PCSK5: variants seen among roughly 807,000 people sequenced by gnomAD.
PCSK5 encodes the protein proprotein convertase subtilisin/kexin type 5.
In PCSK5, 129 loss-of-function variants were observed where a neutral mutation model predicts 233.2. That is an observed-to-expected ratio of 0.55 (90% CI 0.48 to 0.64). The LOEUF (loss-of-function observed/expected upper bound fraction) is 0.64, where lower values mean the gene tolerates loss of function less well. Ranked by LOEUF, PCSK5 falls within the 30% of genes least tolerant of loss-of-function variation. The probability of loss-of-function intolerance (pLI) is 0.00; values close to 1 mark genes in which losing one functional copy is unlikely to be tolerated. For missense variants in PCSK5, 2,076 were observed against 2,430.1 expected, an observed-to-expected ratio of 0.85 and a Z score of 3.06; for synonymous variants, 825 against 879.2, an observed-to-expected ratio of 0.94 and a Z score of 1.09.
In PCSK5 at chr9:76,122,032, C is replaced by T. The variant is rs1247897072; in HGVS notation, c.1209-12077C>T. ...TAGAGACGGGGTTTCACCGTTTTAG[C>T]CGGGATGGTCTCGATCTCCTGACCT... On this transcript the variant is annotated intron_variant, in intron 9 of 37. Transcript: ENST00000674117. 1.5e-4 allele frequency among the ~76,000 whole-genome samples: 7 copies of T among 48,040 alleles called. 1 individual carries two copies. Among genetic ancestry groups the T allele is most frequent in the Non-Finnish European group, 3.8e-4 (7 of 18,422 alleles). 31.5% of individuals were successfully genotyped at this position (48,040 alleles called of 152,430 possible). A position where few individuals can be genotyped will look rare whatever the true frequency, so the allele number is the denominator to read the frequency against.
intron 20 of PCSK5, among the ~76,000 whole-genome samples, chr9:76,219,703 C>T (rs1235113716): frequency 6.6e-6 from 1 of 152,160 alleles, no homozygotes; most frequent in African/African-American, 2.4e-5. Flanking sequence ...AGCGGCTTCC[C>T]CTCTCCTGCT....
chr9:76,340,549 G>T (rs966288550), intron 35 of PCSK5, among the ~76,000 whole-genome samples: 1 of 151,082 alleles, frequency 6.6e-6, no homozygotes, highest in African/African-American at 2.4e-5. Context: ...GGAGGTTGAG[G>T]TGGGAGAATC....
At chr9:76,045,518 G>A (rs1295233920) in intron 5 of PCSK5, among the ~76,000 whole-genome samples, 2 of 152,120 alleles carry the variant, frequency 1.3e-5, no homozygotes, top group African/African-American at 4.8e-5. Context: ...TTTTAAAGTG[G>A]CAGAGGGAGA....
chr9:76,017,365 A>G (rs1827991388), intron 3 of PCSK5, among the ~76,000 whole-genome samples: 3 of 152,220 alleles, frequency 2.0e-5, no homozygotes, highest in Admixed American at 2.0e-4. Flanking sequence ...TAAAAAAACT[A>G]AAATTTTCTT....
At chr9:76,272,773 C>CAAAAAAAAAAAAAAAA (rs71372058) in intron 24 of PCSK5, among the ~76,000 whole-genome samples, 2 of 49,952 alleles carry the variant, frequency 4.0e-5, no homozygotes, top group Non-Finnish European at 7.5e-5. Context: ...GACTCCATCT[C>CAAAAAAAAAAAAAAAA]AAAAAAAAAA....
chr9:76,229,753 C>A (rs541671068), intron 21 of PCSK5, among the ~76,000 whole-genome samples: 1 of 152,216 alleles, frequency 6.6e-6, no homozygotes, highest in Non-Finnish European at 1.5e-5. Flanking sequence ...CAGTTCATGT[C>A]ACACACACAT....
intron 1 of PCSK5, among the ~76,000 whole-genome samples, chr9:75,915,765 A>G (rs1395360647): frequency 3.9e-5 from 6 of 152,236 alleles, no homozygotes; most frequent in Admixed American, 2.0e-4. Context: ...CCAGATAAGT[A>G]TAAGTCTTGA....
intron 33 of PCSK5, among the ~76,000 whole-genome samples, chr9:76,331,927 G>A (rs1829547623): frequency 6.6e-6 from 1 of 152,198 alleles, no homozygotes; most frequent in African/African-American, 2.4e-5. Context: ...ATAATAAATT[G>A]TTGTTTCAAG....
At chr9:76,104,790 G>A (rs944111869) in intron 8 of PCSK5, among the ~76,000 whole-genome samples, 1 of 151,808 alleles carries the variant, frequency 6.6e-6, no homozygotes, top group African/African-American at 2.4e-5. Context: ...TTGAATCCAG[G>A]CACAAGTCAT....
chr9:76,141,275 C>T (rs1186250254), intron 10 of PCSK5, among the ~76,000 whole-genome samples: 4 of 152,040 alleles, frequency 2.6e-5, no homozygotes, highest in Admixed American at 1.3e-4. Flanking sequence ...ACACAACCCT[C>T]TACATTCTTT....
chr9:76,338,289 G>T lies in PCSK5; in HGVS notation c.4808G>T (p.Cys1603Phe), dbSNP rs771766791. The T allele has an allele frequency of 2.2e-5, 35 of 1,612,500 alleles. No individual in the cohort carries two copies. The highest frequency in any genetic ancestry group is 2.9e-5 in the Non-Finnish European group (34 of 1,179,722). ...AGGTGCAACAGGAGCTGCAAGGGGT[G>T]CCAGGGCCCACGGCCCACAGACTGC... Reference protein sequence around the residue: ...CERCNRSCKGCQGPRPTDCLS... With the variant: ...CERCNRSCKGFQGPRPTDCLS... Residue 1603 changes from cysteine (C) to phenylalanine (F), a missense_variant, in exon 35 of 38, where the codon TGC becomes TTC. Around this residue, in one of 6 missense-constraint regions of PCSK5, gnomAD observed 1,510 missense variants for 1,538.1 expected, o/e 0.98. Coordinates refer to ENST00000674117, the MANE Select transcript of PCSK5 (RefSeq NM_001372043.1).
At chr9:76,220,081 G>A (rs927556189) in intron 20 of PCSK5, among the ~76,000 whole-genome samples, 2 of 152,076 alleles carry the variant, frequency 1.3e-5, no homozygotes, top group East Asian at 1.9e-4. Context: ...GCAAAAGACA[G>A]CCCACTAAAT....
chr9:76,273,084 G>T (rs945975319), intron 24 of PCSK5, among the ~76,000 whole-genome samples: 1 of 152,006 alleles, frequency 6.6e-6, no homozygotes, highest in Admixed American at 6.6e-5. Context: ...TTCATTAAAG[G>T]AATCATCTCT....
intron 10 of PCSK5, among the ~76,000 whole-genome samples, chr9:76,156,463 A>G (rs1249648561): frequency 6.6e-6 from 1 of 152,348 alleles, no homozygotes; most frequent in East Asian, 1.9e-4. Flanking sequence ...AAGGTAGTCA[A>G]CCTAATTACT....
At chr9:76,124,895 T>G (rs1832784758) in intron 9 of PCSK5, among the ~76,000 whole-genome samples, 1 of 152,110 alleles carries the variant, frequency 6.6e-6, no homozygotes, top group African/African-American at 2.4e-5. Flanking sequence ...TTCATACTCC[T>G]CATAATCTTC....
Position 76,361,127 on chromosome 9 carries a change from C to G in PCSK5, c.*2205C>G, listed in dbSNP as rs1830424644. The G allele has an allele frequency of 6.6e-6, 1 of 151,816 alleles. No individual in the cohort carries two copies. Among genetic ancestry groups the G allele is most frequent in the Admixed American group, 6.6e-5 (1 of 15,250 alleles). 9.4% of individuals were successfully genotyped at this position (151,816 alleles called of 1,614,324 possible). ...TGGGAGACTGAGGCAGGCAGATCAC[C>G]TGAAGTCAGGAGTTTGATACCAGCT... On this transcript the variant is annotated 3_prime_UTR_variant, in exon 38 of 38. Transcript: ENST00000674117.
At chr9:75,932,073 A>G (rs1318294690) in intron 1 of PCSK5, among the ~76,000 whole-genome samples, 2 of 152,254 alleles carry the variant, frequency 1.3e-5, no homozygotes, top group Non-Finnish European at 2.9e-5. Flanking sequence ...AGATTGATAT[A>G]GAATTACTTA....
At chr9:75,980,017 T>C (rs1386964669) in intron 2 of PCSK5, among the ~76,000 whole-genome samples, 1 of 152,252 alleles carries the variant, frequency 6.6e-6, no homozygotes, top group Middle Eastern at 3.2e-3. Flanking sequence ...AAGCACATTT[T>C]ACTGCTTTGA....
At chr9:76,062,548 T>C (rs1391214869) in intron 5 of PCSK5, among the ~76,000 whole-genome samples, 3 of 152,342 alleles carry the variant, frequency 2.0e-5, no homozygotes, top group East Asian at 3.9e-4. Context: ...CAGGGGTGTG[T>C]GTACACAGGG....
Sources: gnomAD v4.1 joint callset for allele counts (sites outside exome capture counted in the v4.1 genomes callset) on GRCh38, gnomAD v4.1.1 for gene constraint, gnomAD v4.1.1 regional missense constraint, MANE v1.5 for transcripts, NCBI Gene and HGNC (gene_info 2026-07-23, HGNC 2026-07-21) for gene names.